Variants in ENOX1 observed in about 807,000 individuals in gnomAD.
ENOX1 encodes candidate growth-related and time keeping constitutive hydroquinone (NADH) oxidase.
Under a neutral mutation model 82.5 loss-of-function variants are expected in ENOX1, and 42 were observed. The observed-to-expected ratio is 0.51, with a 90% confidence interval of 0.40 to 0.66. The LOEUF (loss-of-function observed/expected upper bound fraction) is 0.66, where lower values mean the gene tolerates loss of function less well. ENOX1 is among the 30% of genes least tolerant of loss of function. ENOX1 has a pLI of 0.00. For synonymous variants in ENOX1, 271 were observed against 282.2 expected (o/e 0.96, Z 0.40); for missense variants, 608 against 811.6 (o/e 0.75, Z 3.05).
At position 43,606,216 on chromosome 13, in the gene ENOX1, T is replaced by C. The variant is rs543368352; in HGVS notation, c.-219+61263A>G. On this transcript the variant is annotated intron_variant, in intron 2 of 16. Transcript: ENST00000690772. ...CACTTGCACACTGTTTTTAGGAATG[T>C]AAATTAGTATAACCACTAGGGAGAA... 2.6e-5 allele frequency among the ~76,000 whole-genome samples: 4 copies of C among 152,332 alleles called. No homozygotes were observed. The South Asian group carries it at 6.2e-4, about 24-fold the overall frequency.
chr13:43,229,029 A>T (rs1287210901), intron 15 of ENOX1, among the ~76,000 whole-genome samples: 2 of 152,128 alleles, frequency 1.3e-5, no homozygotes, highest in Non-Finnish European at 2.9e-5. Flanking sequence ...CCAGTGGGAG[A>T]TAACTGAATC....
intron 3 of ENOX1, among the ~76,000 whole-genome samples, chr13:43,433,118 C>T (rs758492550): frequency 1.3e-5 from 2 of 152,136 alleles, no homozygotes; most frequent in Non-Finnish European, 2.9e-5. Context: ...GCTCATGGTT[C>T]TGCAGGCTGT....
intron 14 of ENOX1, among the ~76,000 whole-genome samples, chr13:43,263,291 G>C (rs2044183352): frequency 6.6e-6 from 1 of 152,112 alleles, no homozygotes; most frequent in Admixed American, 6.5e-5. Flanking sequence ...GACTGGCAAG[G>C]ACTGTCAGGT....
intron 5 of ENOX1, among the ~76,000 whole-genome samples, chr13:43,390,995 C>A (rs1203110831): frequency 2.0e-5 from 3 of 152,062 alleles, no homozygotes; most frequent in Non-Finnish European, 4.4e-5. Context: ...TTTTGCAAGA[C>A]CTCCCTATGT....
chr13:43,505,582 G>A (rs910536897), intron 2 of ENOX1, among the ~76,000 whole-genome samples: 10 of 151,936 alleles, frequency 6.6e-5, no homozygotes, highest in Admixed American at 1.3e-4. Context: ...TATATCCTTC[G>A]CCCACTTTTT....
intron 14 of ENOX1, among the ~76,000 whole-genome samples, chr13:43,244,742 G>C (rs953072006): frequency 6.6e-6 from 1 of 152,108 alleles, no homozygotes; most frequent in Non-Finnish European, 1.5e-5. Flanking sequence ...CAGTCGACAA[G>C]ATCTATGTGG....
chr13:43,486,047 A>G (rs899476602), intron 2 of ENOX1, among the ~76,000 whole-genome samples: 1 of 152,194 alleles, frequency 6.6e-6, no homozygotes, highest in South Asian at 2.1e-4. Flanking sequence ...CGTCTCTACT[A>G]AAAACACAAA....
chr13:43,362,022 T>A (rs1014010858), intron 5 of ENOX1, among the ~76,000 whole-genome samples: 1 of 151,750 alleles, frequency 6.6e-6, no homozygotes, highest in South Asian at 2.1e-4. Flanking sequence ...ACAATTACTA[T>A]GGCTGGGTTA....
At chr13:43,720,293 C>T (rs1472360481) in intron 1 of ENOX1, among the ~76,000 whole-genome samples, 1 of 152,178 alleles carries the variant, frequency 6.6e-6, no homozygotes, top group Admixed American at 6.5e-5. Context: ...AGGGCTGCTC[C>T]CTGAACCTAC....
At chr13:43,749,828 T>C (rs967309720) in intron 1 of ENOX1, among the ~76,000 whole-genome samples, 8 of 152,196 alleles carry the variant, frequency 5.3e-5, no homozygotes, top group African/African-American at 1.9e-4. Context: ...CTCACCATCA[T>C]CTTATTTCAG....
At chr13:43,750,235 G>A (rs1444935236) in intron 1 of ENOX1, among the ~76,000 whole-genome samples, 1 of 152,184 alleles carries the variant, frequency 6.6e-6, no homozygotes, top group African/African-American at 2.4e-5. Context: ...CATACTCTGG[G>A]TTTTAGTGAC....
chr13:43,697,418 C>T (rs2086694741), intron 1 of ENOX1, among the ~76,000 whole-genome samples: 1 of 152,136 alleles, frequency 6.6e-6, no homozygotes, highest in Non-Finnish European at 1.5e-5. Context: ...GGGAAACTGA[C>T]CAAATTTTAG....
At chr13:43,406,330 C>G (rs184698114) in intron 5 of ENOX1, among the ~76,000 whole-genome samples, 1 of 152,226 alleles carries the variant, frequency 6.6e-6, no homozygotes, top group East Asian at 1.9e-4. Context: ...GAAGCAGTGA[C>G]AGTGAACCCA....
intron 2 of ENOX1, among the ~76,000 whole-genome samples, chr13:43,641,011 C>T (rs553578981): frequency 3.9e-5 from 6 of 152,174 alleles, no homozygotes; most frequent in Admixed American, 6.5e-5. Flanking sequence ...GAACATTGAT[C>T]CTGCCTTGGA....
intron 3 of ENOX1, among the ~76,000 whole-genome samples, chr13:43,423,325 TA>T (rs2055087518): frequency 6.6e-6 from 1 of 151,908 alleles, no homozygotes; most frequent in African/African-American, 2.4e-5. Context: ...TGCTGGTGAG[TA>T]AATTATTCAA....
intron 12 of ENOX1, among the ~76,000 whole-genome samples, chr13:43,283,380 T>C (rs2045511976): frequency 6.6e-6 from 1 of 152,074 alleles, no homozygotes; most frequent in East Asian, 1.9e-4. Context: ...CTCTATTGTA[T>C]GGTTGGTTGC....
At chr13:43,371,166 G>T (rs146586769) in intron 5 of ENOX1, among the ~76,000 whole-genome samples, 1 of 152,186 alleles carries the variant, frequency 6.6e-6, no homozygotes, top group Non-Finnish European at 1.5e-5. Flanking sequence ...GACTGAATTG[G>T]CTCTTGGTGT....
intron 16 of ENOX1, among the ~76,000 whole-genome samples, chr13:43,221,772 C>CCA (rs2041802376): frequency 6.6e-6 from 1 of 152,166 alleles, no homozygotes; most frequent in Non-Finnish European, 1.5e-5. Flanking sequence ...CCTAGTCATT[C>CCA]TTACACCCAT....
intron 2 of ENOX1, among the ~76,000 whole-genome samples, chr13:43,629,404 A>T (rs999523048): frequency 6.6e-6 from 1 of 152,174 alleles, no homozygotes; most frequent in Non-Finnish European, 1.5e-5. Flanking sequence ...TTGGATATGT[A>T]AGATAAGAAG....
Sources: gnomAD v4.1 joint callset for allele counts (sites outside exome capture counted in the v4.1 genomes callset) on GRCh38, gnomAD v4.1.1 for gene constraint, MANE v1.5 for transcripts, NCBI Gene and HGNC (gene_info 2026-07-23, HGNC 2026-07-21) for gene names.